CNTRL: variants seen among roughly 807,000 people sequenced by gnomAD.
The protein encoded by CNTRL is centriolin.
CNTRL carries 233 observed loss-of-function variants against 303.7 expected under a neutral mutation model. That is an observed-to-expected ratio of 0.77 (90% CI 0.69 to 0.86). The LOEUF (loss-of-function observed/expected upper bound fraction) is 0.86, where lower values mean the gene tolerates loss of function less well. CNTRL is among the 40% of genes least tolerant of loss of function. CNTRL has a pLI of 0.00. For synonymous variants in CNTRL, 900 were observed against 922.2 expected (o/e 0.98, Z 0.44); for missense variants, 2,524 against 2,650.6 (o/e 0.95, Z 1.05).
At chr9:121,078,240 C>T (rs925928409) in intron 1 of CNTRL, among the ~76,000 whole-genome samples, 1 of 152,044 alleles carries the variant, frequency 6.6e-6, no homozygotes. Flanking sequence ...AACCTCATCT[C>T]TACTAAAAAT....
At chr9:121,106,288 G>A (rs1286794184) in intron 7 of CNTRL, among the ~76,000 whole-genome samples, 2 of 148,244 alleles carry the variant, frequency 1.3e-5, no homozygotes, top group Non-Finnish European at 3.0e-5. Context: ...GCAGTGAGCC[G>A]AGGTCATCCC....
At chr9:121,170,495 G>A (rs1025069475) in intron 39 of CNTRL, among the ~76,000 whole-genome samples, 12 of 151,374 alleles carry the variant, frequency 7.9e-5, no homozygotes, top group Admixed American at 5.3e-4. Flanking sequence ...TTGCTCTGTC[G>A]CCCAGTCTGG....
intron 32 of CNTRL, chr9:121,161,362 T>A (rs963042299): frequency 5.0e-6 from 2 of 399,756 alleles, no homozygotes; most frequent in African/African-American, 4.1e-5. Context: ...GGCCAAAAAA[T>A]TGTTATATAA....
chr9:121,171,519 C>G lies in CNTRL; in HGVS notation c.6388C>G (p.Gln2130Glu). ...CCTGATGAAGGAGCTCAACCAGATG[C>G]AGTATGAGTACACGGAGCTCAAGAA... ...RRLMKELNQMQYEYTELKKQM... is the reference protein window; with the variant it reads ...RRLMKELNQMEYEYTELKKQM... Residue 2130 changes from glutamine (Q) to glutamate (E), a missense_variant, in exon 40 of 44, where the codon CAG becomes GAG. Coordinates refer to ENST00000373855, the MANE Select transcript of CNTRL (RefSeq NM_007018.6). The G allele has an allele frequency of 2.5e-6, 4 of 1,613,874 alleles. No homozygotes were observed. The highest frequency in any genetic ancestry group is 2.5e-6 in the Non-Finnish European group (3 of 1,179,884).
intron 7 of CNTRL, among the ~76,000 whole-genome samples, chr9:121,106,299 A>G (rs1283358396): frequency 1.4e-5 from 2 of 143,348 alleles, no homozygotes; most frequent in Non-Finnish European, 3.0e-5. Context: ...AGGTCATCCC[A>G]CTCCACTTCA....
At chr9:121,081,276 A>G (rs2048130287) in intron 2 of CNTRL, among the ~76,000 whole-genome samples, 1 of 152,238 alleles carries the variant, frequency 6.6e-6, no homozygotes, top group African/African-American at 2.4e-5. Flanking sequence ...GAAAAACTCA[A>G]AATGTTCTTC....
chr9:121,138,758 AC>A, intron 16 of CNTRL, 79 bp downstream of exon 16: 7 of 1,452,120 alleles, frequency 4.8e-6, no homozygotes, highest in Non-Finnish European at 6.6e-6. Flanking sequence ...GCACTTAGCA[AC>A]CTGCTCTAAC....
rs2052459797 is a variant in CNTRL, at chr9:121,154,572, A to G, written c.4173-149A>G. ...ATGTTTAATAAGATGGTAAACCTAG[A>G]CCTTGAACAAAATCAAATGTAGCAG... On this transcript the variant is annotated intron_variant, in intron 26 of 43. Coordinates refer to ENST00000373855, the MANE Select transcript of CNTRL (RefSeq NM_007018.6). 3 of 563,778 alleles carry G rather than the reference A, an allele frequency of 5.3e-6. No homozygotes were observed. The East Asian group carries it at 8.8e-5, about 16-fold the overall frequency. 34.9% of individuals were successfully genotyped at this position (563,778 alleles called of 1,614,324 possible). A position where few individuals can be genotyped will look rare whatever the true frequency, so the allele number is the denominator to read the frequency against.
chr9:121,175,156 G>T lies in CNTRL; in HGVS notation c.6886G>T (p.Ala2296Ser), dbSNP rs2053467519. The T allele has an allele frequency of 6.2e-7, 1 of 1,614,034 alleles. No homozygotes were observed. Among genetic ancestry groups the T allele is most frequent in the African/African-American group, 1.3e-5 (1 of 74,920 alleles). ...ELVTSTSADSASSPSLSQLES... is the reference protein window; with the variant it reads ...ELVTSTSADSSSSPSLSQLES... Reference sequence around the variant, plus strand: ...GGTCACCAGCACCTCTGCAGATTCAGCGTCATCACCCAGTCTGTCTCAGCT... The same window carrying T: ...GGTCACCAGCACCTCTGCAGATTCATCGTCATCACCCAGTCTGTCTCAGCT... Residue 2296 changes from alanine to serine, a missense_variant, in exon 43 of 44, where the codon GCG becomes TCG. Coordinates refer to ENST00000373855, the MANE Select transcript of CNTRL (RefSeq NM_007018.6).
At chr9:121,155,132 A>G (rs1414980172) in intron 27 of CNTRL, among the ~76,000 whole-genome samples, 1 of 152,238 alleles carries the variant, frequency 6.6e-6, no homozygotes, top group Non-Finnish European at 1.5e-5. Flanking sequence ...ATTCAGGCTA[A>G]GAATACGTAG....
intron 23 of CNTRL, among the ~76,000 whole-genome samples, chr9:121,148,467 G>A (rs1320897124): frequency 6.6e-6 from 1 of 152,158 alleles, no homozygotes; most frequent in African/African-American, 2.4e-5. Context: ...AGTCCAGAGG[G>A]ATGTTAATAA....
At chr9:121,113,347 T>G (rs529101639) in intron 9 of CNTRL, among the ~76,000 whole-genome samples, 155 bp from the exon 10 acceptor site, 19 of 152,228 alleles carry the variant, frequency 1.2e-4, no homozygotes, top group Non-Finnish European at 2.6e-4. Context: ...AAGAAGAAGA[T>G]AAAAGAATAA....
In CNTRL at chr9:121,161,893, C is replaced by G. The variant is rs1329208382; in HGVS notation, c.5127C>G (p.Asn1709Lys). The G allele has an allele frequency of 1.2e-6, 2 of 1,614,068 alleles. No homozygotes were observed. The highest frequency in any genetic ancestry group is 3.3e-5 in the Admixed American group (2 of 60,008). ...KNILDMLQLE[N>K]HELQGLKLQH... ...TTCTGGACATGTTGCAACTTGAAAA[C>G]CATGAGCTACAAGGTTTGAAGCTAC... Residue 1709 changes from asparagine to lysine, a missense_variant, in exon 33 of 44, where the codon AAC becomes AAG. Asn to Lys is a moderately conservative substitution (Grantham distance 94). Coordinates refer to ENST00000373855, the MANE Select transcript of CNTRL (RefSeq NM_007018.6).
chr9:121,113,653 A>G lies in CNTRL; in HGVS notation c.1274A>G (p.Asp425Gly). The G allele has an allele frequency of 6.2e-7, 1 of 1,606,592 alleles. No homozygotes were observed. ...KMEPDEQLRN[D>G]HMNLRGHTPL... ...GAGCCAGATGAACAACTTAGAAATG[A>G]TCACATGAACTTGAGAGGCCACACA... Residue 425 changes from aspartate to glycine, a missense_variant, in exon 10 of 44, where the codon GAT becomes GGT. By Grantham distance (94) the Asp-to-Gly change is moderately conservative. Coordinates refer to ENST00000373855, the MANE Select transcript of CNTRL (RefSeq NM_007018.6).
Position 121,141,514 on chromosome 9 carries a change from G to T in CNTRL, c.2617G>T (p.Ala873Ser), listed in dbSNP as rs890669927. The T allele has an allele frequency of 6.2e-7, 1 of 1,614,098 alleles. No homozygotes were observed. Among genetic ancestry groups the T allele is most frequent in the Non-Finnish European group, 8.5e-7 (1 of 1,180,010 alleles). Residue 873 changes from alanine (A) to serine (S), a missense_variant, in exon 18 of 44, where the codon GCT becomes TCT. Transcript: ENST00000373855. Reference protein sequence around the residue: ...VRERKLQEEMALQQEKLATGQ... With the variant: ...VRERKLQEEMSLQQEKLATGQ... ...AGAGAGAAAACTCCAAGAAGAAATG[G>T]CTCTGCAGCAAGAGAAACTGGCAAC...
Position 121,177,233 on chromosome 9 carries a change from C to T in CNTRL, c.*47C>T. 1 of 1,477,664 alleles carries T rather than the reference C, an allele frequency of 6.8e-7. No homozygotes were observed. The allele number at this position is 1,477,664 out of a possible 1,614,324, so 91.5% of individuals were successfully genotyped here. ...ATATTCAAGGAAAACACCTCCACTA[C>T]CTCACTGACTTCATAATTGGAATGT... On this transcript the variant is annotated 3_prime_UTR_variant, in exon 44 of 44. Transcript: ENST00000373855.
chr9:121,150,084 G>A (rs1345240549), intron 24 of CNTRL, 86 bp from the exon 25 acceptor site: 7 of 1,071,716 alleles, frequency 6.5e-6, no homozygotes, highest in East Asian at 2.6e-5. Flanking sequence ...AAATGCTGCT[G>A]TTCTCTACTA....
chr9:121,141,235 C>A, intron 17 of CNTRL, 146 bp from the exon 18 acceptor site: 2 of 640,464 alleles, frequency 3.1e-6, no homozygotes, highest in Non-Finnish European at 5.4e-6. Context: ...ATAATTTGCG[C>A]TTAGGAGATG....
intron 43 of CNTRL, among the ~76,000 whole-genome samples, chr9:121,176,488 T>C (rs572252397): frequency 6.6e-6 from 1 of 152,196 alleles, no homozygotes; most frequent in East Asian, 1.9e-4. Flanking sequence ...TAGGGCAGGG[T>C]TCGAGGAGGA....
Sources: gnomAD v4.1 joint callset for allele counts (sites outside exome capture counted in the v4.1 genomes callset) on GRCh38, gnomAD v4.1.1 for gene constraint, MANE v1.5 for transcripts, NCBI Gene and HGNC (gene_info 2026-07-23, HGNC 2026-07-21) for gene names.